COL3A1: variants seen among roughly 807,000 people sequenced by gnomAD.
COL3A1 encodes the protein collagen type III alpha 1 chain, also known as collagen alpha-1(III) chain.
A neutral mutation model predicts 200.9 loss-of-function variants in COL3A1; 46 were observed. The observed-to-expected ratio is 0.23, with a 90% confidence interval of 0.18 to 0.29. The LOEUF (loss-of-function observed/expected upper bound fraction) is 0.29, where lower values mean the gene tolerates loss of function less well. Among genes scored for constraint, COL3A1 ranks in the 10% least tolerant of loss-of-function variants. The probability of loss-of-function intolerance (pLI) is 1.00; values close to 1 mark genes in which losing one functional copy is unlikely to be tolerated. For synonymous variants in COL3A1, 650 were observed against 628.0 expected, an observed-to-expected ratio of 1.03 and a Z score of -0.52; for missense variants, 1,367 against 1,917.6, an observed-to-expected ratio of 0.71 and a Z score of 5.36.
At chr2:189,005,752 G>A (rs924215174) in intron 41 of COL3A1, 10 of 258,150 alleles carry the variant, frequency 3.9e-5, no homozygotes, top group African/African-American at 1.6e-4. Context: ...AATATTCTAC[G>A]GTTATCTATG....
intron 32 of COL3A1, among the ~76,000 whole-genome samples, 193 bp downstream of exon 32, chr2:189,000,088 T>G (rs1379632559): frequency 1.3e-5 from 2 of 152,124 alleles, no homozygotes; most frequent in Non-Finnish European, 2.9e-5. Flanking sequence ...CTACAGTGAC[T>G]AAAGAATGAA....
At chr2:189,011,123 C>T (rs1302871708) in intron 50 of COL3A1, among the ~76,000 whole-genome samples, 1 of 152,132 alleles carries the variant, frequency 6.6e-6, no homozygotes, top group Non-Finnish European at 1.5e-5. Flanking sequence ...AAATTTAAAT[C>T]CATAATGCAA....
chr2:188,985,532 A>C, intron 3 of COL3A1, 133 bp from the exon 4 acceptor site: 1 of 681,496 alleles, frequency 1.5e-6, no homozygotes, highest in Non-Finnish European at 2.5e-6. Context: ...TTTGATTAAA[A>C]AGTATGTGTT....
Position 189,003,985 on chromosome 2 carries a change from A to T in COL3A1, c.2665A>T (p.Asn889Tyr), listed in dbSNP as rs761469859. The T allele has an allele frequency of 1.1e-5, 18 of 1,610,090 alleles. No individual in the cohort carries two copies. Among genetic ancestry groups the T allele is most frequent in the Non-Finnish European group, 1.5e-5 (18 of 1,178,626 alleles). ...AATTTCAAACAATTATTTGTAGGGTAACCCAGGACCCCCAGGTCCCAGCGG... is the reference window on the plus strand; with the variant it reads ...AATTTCAAACAATTATTTGTAGGGTTACCCAGGACCCCCAGGTCCCAGCGG... Reference protein sequence around the residue: ...GLPGPPGSNGNPGPPGPSGSP... With the variant: ...GLPGPPGSNGYPGPPGPSGSP... The change falls in exon 39 of 51, where the codon AAC (asparagine) becomes TAC (tyrosine). Residue 889 changes from asparagine to tyrosine, a missense_variant. Asn to Tyr is a moderately radical substitution (Grantham distance 143). Coordinates refer to ENST00000304636, the MANE Select transcript of COL3A1 (RefSeq NM_000090.4).
chr2:189,000,775 C>A (rs1415886779), intron 32 of COL3A1, among the ~76,000 whole-genome samples: 1 of 152,076 alleles, frequency 6.6e-6, no homozygotes, highest in East Asian at 1.9e-4. Context: ...TCCTTTGCAG[C>A]ATCCTATGAA....
At position 189,010,854 on chromosome 2, in the gene COL3A1, C is replaced by T; in HGVS notation, c.4218C>T (p.Ser1406=). The T allele has an allele frequency of 6.2e-7, 1 of 1,614,104 alleles. No homozygotes were observed. Among genetic ancestry groups the T allele is most frequent in the Non-Finnish European group, 8.5e-7 (1 of 1,179,980 alleles). ...GTGAATTCAAGGCTGAAGGAAATAG[C>T]AAATTCACCTACACAGTTCTGGAGG... ...NEGEFKAEGN[S]KFTYTVLEDG... is the part of the protein sequence containing the mutation. The change falls in exon 50 of 51, where the codon AGC becomes AGT. Residue 1406 remains serine, a synonymous_variant. Transcript: ENST00000304636.
At chr2:189,006,785 C>A in intron 43 of COL3A1, 152 bp from the exon 44 acceptor site, 1 of 871,332 alleles carries the variant, frequency 1.1e-6, no homozygotes, top group Non-Finnish European at 1.8e-6. Flanking sequence ...AGGGCTTTAG[C>A]ACTTTGAAGG....
At chr2:188,996,077 TTTA>T (rs1370100725) in intron 22 of COL3A1, 45 bp from the exon 23 acceptor site, 5 of 1,557,986 alleles carry the variant, frequency 3.2e-6, no homozygotes, top group Non-Finnish European at 3.5e-6. Flanking sequence ...GTAGTAATTT[TTTA>T]TTATTTCATT....
At chr2:188,976,549 C>G (rs1418927868) in intron 1 of COL3A1, among the ~76,000 whole-genome samples, 1 of 151,996 alleles carries the variant, frequency 6.6e-6, no homozygotes, top group Non-Finnish European at 1.5e-5. Flanking sequence ...ATTAGATAAG[C>G]TTTGGAAAAG....
intron 6 of COL3A1, 122 bp downstream of exon 6, chr2:188,988,256 C>A: frequency 3.4e-6 from 3 of 872,468 alleles, no homozygotes; most frequent in Non-Finnish European, 5.7e-6. Flanking sequence ...AAATCATAAC[C>A]AAGAAACTGA....
In COL3A1 at chr2:188,998,314, G is replaced by A. The variant is rs189846410; in HGVS notation, c.1972G>A (p.Glu658Lys). 9.9e-6 allele frequency: 16 copies of A among 1,613,492 alleles called. No individual in the cohort carries two copies. The highest frequency in any genetic ancestry group is 2.7e-5 in the African/African-American group (2 of 75,028). Residue 658 changes from glutamate to lysine, a missense_variant, in exon 28 of 51, where the codon GAA becomes AAA. Transcript: ENST00000304636. ...GPPGENGKPG[E>K]PGPKGDAGAP... ...TCCAGGAGAAAATGGAAAACCTGGGGAACCAGTAAGTTACGTTTCATTATT... is the reference window on the plus strand; with the variant it reads ...TCCAGGAGAAAATGGAAAACCTGGGAAACCAGTAAGTTACGTTTCATTATT...
intron 47 of COL3A1, chr2:189,008,554 C>T (rs1576473185): frequency 2.5e-6 from 1 of 392,602 alleles, no homozygotes; most frequent in East Asian, 5.8e-5. Context: ...TATTCCATGC[C>T]TTTGGGTAAA....
intron 21 of COL3A1, 107 bp downstream of exon 21, chr2:188,995,206 T>C (rs1324458203): frequency 1.8e-6 from 2 of 1,088,494 alleles, no homozygotes; most frequent in Non-Finnish European, 2.7e-6. Context: ...GAATATATAT[T>C]AGAGTTAAGA....
At chr2:188,988,371 G>A (rs909769579) in intron 6 of COL3A1, among the ~76,000 whole-genome samples, 6 of 152,044 alleles carry the variant, frequency 3.9e-5, no homozygotes, top group African/African-American at 1.4e-4. Flanking sequence ...CATGTAATAT[G>A]ACTTTTAGTT....
chr2:189,008,559 G>T, intron 47 of COL3A1: 1 of 390,062 alleles, frequency 2.6e-6, no homozygotes, highest in Non-Finnish European at 4.7e-6. Context: ...CATGCCTTTG[G>T]GTAAATGAAA....
intron 45 of COL3A1, 26 bp downstream of exon 45, chr2:189,007,633 A>G (rs1196040945): frequency 6.4e-7 from 1 of 1,567,906 alleles, no homozygotes; most frequent in Non-Finnish European, 8.7e-7. Context: ...TTGTTGGAAA[A>G]TCCCTTCAAT....
chr2:188,986,447 C>G (rs974469925), intron 4 of COL3A1, among the ~76,000 whole-genome samples: 2 of 151,956 alleles, frequency 1.3e-5, no homozygotes, highest in Admixed American at 6.6e-5. Flanking sequence ...CTAAGTTATT[C>G]TTATTCTAGT....
chr2:188,988,426 A>G (rs1286832488), intron 6 of COL3A1, among the ~76,000 whole-genome samples, 164 bp from the exon 7 acceptor site: 1 of 152,196 alleles, frequency 6.6e-6, no homozygotes, highest in South Asian at 2.1e-4. Flanking sequence ...GGAATGAAAT[A>G]CATTAACTTC....
intron 32 of COL3A1, 52 bp downstream of exon 32, chr2:188,999,947 C>T: frequency 6.6e-7 from 1 of 1,523,736 alleles, no homozygotes; most frequent in Non-Finnish European, 8.9e-7. Context: ...TCATATGGGA[C>T]AGTCCTGCAC....
Sources: gnomAD v4.1 joint callset for allele counts (sites outside exome capture counted in the v4.1 genomes callset) on GRCh38, gnomAD v4.1.1 for gene constraint, MANE v1.5 for transcripts, NCBI Gene and HGNC (gene_info 2026-07-23, HGNC 2026-07-21) for gene names.